The following ZNF516 variants were observed in gnomAD, a reference collection of about 807,000 sequenced individuals.
ZNF516 encodes zinc finger protein 516.
A neutral mutation model predicts 79.7 loss-of-function variants in ZNF516; 19 were observed. That is an observed-to-expected ratio of 0.24 (90% CI 0.17 to 0.35). ZNF516 has a LOEUF of 0.35. Among genes scored for constraint, ZNF516 ranks in the 10% least tolerant of loss-of-function variants. The pLI is 1.00. For missense variants in ZNF516, 1,678 were observed against 1,679.5 expected, an observed-to-expected ratio of 1.00 and a Z score of 0.02; for synonymous variants, 877 against 739.5, an observed-to-expected ratio of 1.19 and a Z score of -3.02.
Position 76,451,532 on chromosome 18 carries a change from C to G in ZNF516, c.-157-8321G>C, listed in dbSNP as rs1236874983. Among the ~76,000 whole-genome samples the G allele has an allele frequency of 1.3e-5, 2 of 152,296 alleles. No homozygotes were observed. The highest frequency in any genetic ancestry group is 4.8e-5 in the African/African-American group (2 of 41,556). On this transcript the variant is annotated intron_variant, in intron 2 of 6. Transcript: ENST00000443185. This position sits in a 1 kb window ranked among gnomAD's most constrained non-coding sequence, Gnocchi z 6.0. ...AAAGGCGTATGATGGCTCCAAAAGG[C>G]AAATCATAAAATCTAAAAGAGCAAC...
At chr18:76,425,754 AG>A (rs2075585017) in intron 3 of ZNF516, among the ~76,000 whole-genome samples, 1 of 152,226 alleles carries the variant, frequency 6.6e-6, no homozygotes, top group Non-Finnish European at 1.5e-5. Context: ...GGTCCCACAA[AG>A]CAAATGAAAT....
At chr18:76,376,149 A>G (rs2074783797) in intron 4 of ZNF516, among the ~76,000 whole-genome samples, 1 of 152,232 alleles carries the variant, frequency 6.6e-6, no homozygotes, top group South Asian at 2.1e-4. Context: ...GCTTCAACAC[A>G]GAGACCTGTA....
chr18:76,413,691 A>G (rs775528444), intron 3 of ZNF516, among the ~76,000 whole-genome samples: 31 of 152,196 alleles, frequency 2.0e-4, no homozygotes, highest in Admixed American at 6.5e-5. Flanking sequence ...TTATGCTAAG[A>G]TATATGTTTT....
chr18:76,383,401 A>C (rs2074926372), intron 3 of ZNF516, among the ~76,000 whole-genome samples: 1 of 146,394 alleles, frequency 6.8e-6, no homozygotes, highest in Non-Finnish European at 1.5e-5. Context: ...TCAGCCAGGG[A>C]CCCAGGACCC....
chr18:76,457,714 C>T (rs1314836642), intron 2 of ZNF516, among the ~76,000 whole-genome samples: 3 of 152,140 alleles, frequency 2.0e-5, no homozygotes, highest in Non-Finnish European at 4.4e-5. Flanking sequence ...CACATCCTGT[C>T]TCAAAATAAA....
intron 1 of ZNF516, among the ~76,000 whole-genome samples, chr18:76,472,265 G>A (rs981468079): frequency 6.6e-6 from 1 of 152,130 alleles, no homozygotes; most frequent in Non-Finnish European, 1.5e-5. Context: ...TCACAGTCAA[G>A]ATGATGTGGT....
chr18:76,380,158 T>C lies in ZNF516; in HGVS notation c.1956A>G (p.Ile652Met). 6.2e-7 allele frequency: 1 copy of C among 1,613,912 alleles called. No homozygotes were observed. The highest frequency in any genetic ancestry group is 1.3e-5 in the African/African-American group (1 of 74,994). The change falls in exon 4 of 7, where the codon ATA becomes ATG. Residue 652 changes from isoleucine (I) to methionine (M), a missense_variant. Ile to Met is a conservative substitution (Grantham distance 10). Around this residue, in one of 5 missense-constraint regions of ZNF516, gnomAD observed 1,294 missense variants for 1,248.3 expected, o/e 1.04. Coordinates refer to ENST00000443185, the MANE Select transcript of ZNF516 (RefSeq NM_014643.4). ...AAGTCTCTCTGCTACTGTTTTCAAG[T>C]ATGGACACAGAAGCTGCGATCCCTG... ...SKAGIAASVS[I>M]LENSSRETSR...
intron 6 of ZNF516, 148 bp downstream of exon 6, chr18:76,370,380 G>A (rs1010487586): frequency 1.3e-6 from 1 of 780,040 alleles, no homozygotes; most frequent in African/African-American, 1.8e-5. Flanking sequence ...GCCCCGAAGG[G>A]TCAGGTTCCA....
At chr18:76,373,650 A>G (rs1467750924) in intron 4 of ZNF516, among the ~76,000 whole-genome samples, 2 of 152,266 alleles carry the variant, frequency 1.3e-5, no homozygotes, top group African/African-American at 4.8e-5. Context: ...AGCAACAGAG[A>G]AAACATGGAT....
intron 3 of ZNF516, among the ~76,000 whole-genome samples, chr18:76,383,894 G>A (rs1233942998): frequency 1.3e-5 from 2 of 152,216 alleles, no homozygotes; most frequent in Non-Finnish European, 2.9e-5. Flanking sequence ...GCCCTCCAGG[G>A]GCCTCCAATC....
At chr18:76,403,679 T>A (rs1375320593) in intron 3 of ZNF516, among the ~76,000 whole-genome samples, 1 of 152,178 alleles carries the variant, frequency 6.6e-6, no homozygotes, top group Non-Finnish European at 1.5e-5. Flanking sequence ...TTGGAGGTAA[T>A]TCTTAAAGCT....
rs1568317599 is a variant in ZNF516 at position 76,467,297 on chromosome 18, CTCGGAACCTGCA to C, written c.-271-4168_-271-4157del. On this transcript the variant is annotated intron_variant, in intron 1 of 6. Transcript: ENST00000443185. The surrounding 1 kb of genome is among the most constrained non-coding windows in gnomAD (Gnocchi z 4.2). ...GGTTGGCAGGAAGTCCTGCGTGTCT[CTCGGAACCTGCA>C]GCTGACAGCCCCTCTGGGTTGGCAG... Among the ~76,000 whole-genome samples, 72 of 33,850 alleles carry C rather than the reference CTCGGAACCTGCA, an allele frequency of 2.1e-3. No homozygotes were observed. The highest frequency in any genetic ancestry group is 6.5e-3 in the African/African-American group (63 of 9,662). 22.2% of individuals were successfully genotyped at this position (33,850 alleles called of 152,430 possible). A position where few individuals can be genotyped will look rare whatever the true frequency, so the allele number is the denominator to read the frequency against.
intron 2 of ZNF516, among the ~76,000 whole-genome samples, chr18:76,460,855 C>T (rs189214731): frequency 2.2e-3 from 341 of 152,316 alleles, no homozygotes; most frequent in African/African-American, 7.8e-3. Context: ...TTACTTAACC[C>T]TTTGTTTTTC....
intron 1 of ZNF516, 89 bp downstream of exon 1, chr18:76,495,055 G>C (rs1433558491): frequency 6.8e-6 from 1 of 147,582 alleles, no homozygotes; most frequent in African/African-American, 2.5e-5. Flanking sequence ...GCACACCAGA[G>C]TACGGGGCAC....
chr18:76,441,060 G>T (rs2075811055), intron 3 of ZNF516, among the ~76,000 whole-genome samples, 185 bp downstream of exon 3: 1 of 152,176 alleles, frequency 6.6e-6, no homozygotes, highest in Non-Finnish European at 1.5e-5. Flanking sequence ...CCTGGGCAAG[G>T]GCACAAGGCC....
At chr18:76,426,514 C>T (rs1339558171) in intron 3 of ZNF516, among the ~76,000 whole-genome samples, 2 of 151,186 alleles carry the variant, frequency 1.3e-5, no homozygotes, top group African/African-American at 4.9e-5. Flanking sequence ...CCAAATATTG[C>T]ATGGGACATA....
At position 76,442,764 on chromosome 18, in the gene ZNF516, C is replaced by T. The variant is rs532268242; in HGVS notation, c.291G>A (p.Ala97=). The change falls in exon 3 of 7, where the codon GCG becomes GCA. Residue 97 remains alanine, a synonymous_variant. Coordinates refer to ENST00000443185, the MANE Select transcript of ZNF516 (RefSeq NM_014643.4). The part of the protein sequence containing the change: ...GTLIQGHEPE[A]GEAPLGEMRA... Reference sequence around the variant, plus strand: ...GCATCTCACCCAGCGGCGCCTCGCCCGCCTCCGGCTCGTGTCCCTGAATCA... The same window carrying T: ...GCATCTCACCCAGCGGCGCCTCGCCTGCCTCCGGCTCGTGTCCCTGAATCA... 55 of 1,592,444 alleles carry T rather than the reference C, an allele frequency of 3.5e-5. No homozygotes were observed. The African/African-American group carries it at 6.2e-4, about 18-fold the overall frequency.
chr18:76,408,733 C>G (rs1455558105), intron 3 of ZNF516, among the ~76,000 whole-genome samples: 1 of 152,222 alleles, frequency 6.6e-6, no homozygotes, highest in Non-Finnish European at 1.5e-5. Flanking sequence ...TGTGTTCGCT[C>G]GCTAATTCAC....
chr18:76,363,960 G>C (rs1378881212), intron 6 of ZNF516, among the ~76,000 whole-genome samples: 1 of 152,218 alleles, frequency 6.6e-6, no homozygotes, highest in Non-Finnish European at 1.5e-5. Context: ...CACATGGACA[G>C]CACCCCCAGG....
Sources: gnomAD v4.1 joint callset for allele counts (sites outside exome capture counted in the v4.1 genomes callset) on GRCh38, gnomAD v4.1.1 for gene constraint, gnomAD v4.1.1 regional missense constraint, Gnocchi (gnomAD v3.1) non-coding constraint, MANE v1.5 for transcripts, NCBI Gene and HGNC (gene_info 2026-07-23, HGNC 2026-07-21) for gene names.